The following GPC5 variants were observed in gnomAD, a reference collection of about 807,000 sequenced individuals.
GPC5 encodes the protein glypican 5, also known as glypican-5.
Under a neutral mutation model 53.9 loss-of-function variants are expected in GPC5, and 47 were observed. That is an observed-to-expected ratio of 0.87 (90% CI 0.69 to 1.11). GPC5 has a LOEUF of 1.11. Among genes scored for constraint, GPC5 ranks in the 50% most tolerant of loss-of-function variants. GPC5 has a pLI of 0.00. For missense variants in GPC5, 748 were observed against 713.1 expected (o/e 1.05, Z -0.56); for synonymous variants, 286 against 263.3 (o/e 1.09, Z -0.84).
intron 7 of GPC5, among the ~76,000 whole-genome samples, chr13:92,566,503 G>A (rs928216128): frequency 4.6e-5 from 7 of 152,140 alleles, no homozygotes; most frequent in Admixed American, 4.6e-4. Flanking sequence ...CCCCAAGGGA[G>A]TTGAAAGTTT....
chr13:92,283,600 GC>G, intron 7 of GPC5, among the ~76,000 whole-genome samples: 1 of 152,198 alleles, frequency 6.6e-6, no homozygotes, highest in African/African-American at 2.4e-5. Flanking sequence ...CCTCAAAACC[GC>G]TCAACTACAT....
chr13:92,013,498 G>T (rs962637778), intron 6 of GPC5, among the ~76,000 whole-genome samples: 1 of 152,152 alleles, frequency 6.6e-6, no homozygotes, highest in African/African-American at 2.4e-5. Flanking sequence ...TTGGCCATTG[G>T]TAGTTTTGCA....
At chr13:92,782,786 C>G (rs1208268415) in intron 7 of GPC5, among the ~76,000 whole-genome samples, 4 of 152,124 alleles carry the variant, frequency 2.6e-5, no homozygotes, top group Non-Finnish European at 4.4e-5. Context: ...ACACTATGGA[C>G]TGCATATTAA....
intron 7 of GPC5, among the ~76,000 whole-genome samples, chr13:92,550,117 A>AT (rs1002819194): frequency 6.6e-6 from 1 of 151,750 alleles, no homozygotes; most frequent in Non-Finnish European, 1.5e-5. Flanking sequence ...AGGTTGTGAA[A>AT]TTTTTATTTC....
intron 5 of GPC5, among the ~76,000 whole-genome samples, chr13:91,775,116 A>AAGAT (rs1291168992): frequency 2.0e-5 from 3 of 152,192 alleles, no homozygotes; most frequent in African/African-American, 7.2e-5. Context: ...ACAGAGTTTA[A>AAGAT]AGATTGTCAG....
At chr13:91,895,825 T>C in intron 5 of GPC5, among the ~76,000 whole-genome samples, 1 of 152,188 alleles carries the variant, frequency 6.6e-6, no homozygotes, top group Non-Finnish European at 1.5e-5. Context: ...TCTCTTACTG[T>C]TGTGGAGATC....
chr13:91,442,374 G>A (rs1297673048), intron 1 of GPC5, among the ~76,000 whole-genome samples: 2 of 152,040 alleles, frequency 1.3e-5, no homozygotes, highest in African/African-American at 4.8e-5. Flanking sequence ...TATTTTCTAT[G>A]TCTCTCCTTT....
chr13:92,431,193 G>GT (rs1458599821), intron 7 of GPC5, among the ~76,000 whole-genome samples: 3 of 152,036 alleles, frequency 2.0e-5, no homozygotes, highest in African/African-American at 7.2e-5. Context: ...ATATTTCTAG[G>GT]TATTAGATAT....
chr13:92,251,930 T>G (rs1178474969), intron 7 of GPC5, among the ~76,000 whole-genome samples: 1 of 152,158 alleles, frequency 6.6e-6, no homozygotes, highest in Non-Finnish European at 1.5e-5. Flanking sequence ...AGGATAAATG[T>G]AGTTAGAAGC....
At chr13:92,797,301 T>C (rs1594514094) in intron 7 of GPC5, among the ~76,000 whole-genome samples, 1 of 152,054 alleles carries the variant, frequency 6.6e-6, no homozygotes, top group East Asian at 2.0e-4. Context: ...TTCCATAGAA[T>C]TGATGATCAC....
At chr13:91,404,180 T>G (rs1298666062) in intron 1 of GPC5, among the ~76,000 whole-genome samples, 1 of 152,234 alleles carries the variant, frequency 6.6e-6, no homozygotes, top group East Asian at 1.9e-4. Flanking sequence ...ATTGTCCTTA[T>G]ATTTGATAAG....
At chr13:92,255,948 T>G (rs183553662) in intron 7 of GPC5, among the ~76,000 whole-genome samples, 14 of 152,228 alleles carry the variant, frequency 9.2e-5, no homozygotes, top group African/African-American at 2.9e-4. Flanking sequence ...ATACCTTTTT[T>G]GGGTCACTTC....
At chr13:92,589,207 A>G (rs1479741578) in intron 7 of GPC5, among the ~76,000 whole-genome samples, 1 of 152,188 alleles carries the variant, frequency 6.6e-6, no homozygotes, top group Non-Finnish European at 1.5e-5. Context: ...GTAACACTAG[A>G]AAGATTTCCA....
intron 7 of GPC5, among the ~76,000 whole-genome samples, chr13:92,360,021 T>C (rs946672290): frequency 5.3e-5 from 8 of 151,748 alleles, no homozygotes; most frequent in African/African-American, 1.9e-4. Context: ...CCATTCTATA[T>C]GTTGTCTGTT....
intron 7 of GPC5, among the ~76,000 whole-genome samples, chr13:92,339,454 A>G (rs1303294630): frequency 1.3e-5 from 2 of 152,120 alleles, no homozygotes; most frequent in Non-Finnish European, 2.9e-5. Context: ...ATCTTATCGC[A>G]TCAAAATTGA....
chr13:91,949,097 C>T (rs181188107), intron 6 of GPC5, among the ~76,000 whole-genome samples: 4 of 152,260 alleles, frequency 2.6e-5, no homozygotes, highest in African/African-American at 9.6e-5. Context: ...TGGAAGCAAC[C>T]TTCTAAATAC....
intron 7 of GPC5, among the ~76,000 whole-genome samples, chr13:92,769,069 G>T (rs1435751680): frequency 6.6e-6 from 1 of 151,996 alleles, no homozygotes; most frequent in Admixed American, 6.6e-5. Flanking sequence ...AAATCAAATG[G>T]ATTGTAATTA....
At chr13:92,729,685 G>C (rs748493801) in intron 7 of GPC5, among the ~76,000 whole-genome samples, 8 of 151,366 alleles carry the variant, frequency 5.3e-5, no homozygotes, top group Non-Finnish European at 1.2e-4. Flanking sequence ...GCATGTATTT[G>C]ATGTTGATTG....
chr13:92,663,747 C>T (rs1886444309), intron 7 of GPC5, among the ~76,000 whole-genome samples: 1 of 137,578 alleles, frequency 7.3e-6, no homozygotes, highest in South Asian at 2.3e-4. Context: ...CTATATATAT[C>T]TCTACTAAAT....
Sources: gnomAD v4.1 joint callset for allele counts (sites outside exome capture counted in the v4.1 genomes callset) on GRCh38, gnomAD v4.1.1 for gene constraint, MANE v1.5 for transcripts, NCBI Gene and HGNC (gene_info 2026-07-23, HGNC 2026-07-21) for gene names.